The following CNTN5 variants were observed in gnomAD, a reference collection of about 807,000 sequenced individuals.
CNTN5 encodes the protein contactin-5.
A neutral mutation model predicts 129.1 loss-of-function variants in CNTN5; 77 were observed. The observed-to-expected ratio is 0.60, with a 90% CI of 0.50 to 0.72. The LOEUF is 0.72. Ranked by LOEUF, CNTN5 falls within the 30% of genes least tolerant of loss-of-function variation. CNTN5 has a pLI of 0.00. For synonymous variants in CNTN5, 509 were observed against 465.6 expected (o/e 1.09, Z -1.20); for missense variants, 1,478 against 1,328.8 (o/e 1.11, Z -1.75).
intron 9 of CNTN5, among the ~76,000 whole-genome samples, chr11:100,019,017 C>T (rs11222392): frequency 0.16 from 24,122 of 151,632 alleles, 1,974 homozygotes; most frequent in Non-Finnish European, 0.18. Flanking sequence ...TTAAATTTTG[C>T]GTGAGAGTTG....
chr11:100,347,154 G>A (rs1181605353), intron 23 of CNTN5, among the ~76,000 whole-genome samples: 1 of 152,056 alleles, frequency 6.6e-6, no homozygotes, highest in East Asian at 1.9e-4. Flanking sequence ...GTTCTCATTT[G>A]TTTATGCAAC....
intron 2 of CNTN5, among the ~76,000 whole-genome samples, chr11:99,370,957 C>G (rs1939783134): frequency 6.6e-6 from 1 of 152,212 alleles, no homozygotes; most frequent in Non-Finnish European, 1.5e-5. Flanking sequence ...ATTCGTGGCA[C>G]TTGATTTCCA....
intron 1 of CNTN5, among the ~76,000 whole-genome samples, chr11:99,323,371 A>G (rs1865649922): frequency 1.3e-5 from 2 of 152,162 alleles, no homozygotes; most frequent in Admixed American, 1.3e-4. Context: ...TTTTGCTTCT[A>G]AGAAGCAAAC....
In CNTN5 at chr11:99,401,365, C is replaced by T. The variant is rs370797429; in HGVS notation, c.-71+75881C>T. On this transcript the variant is annotated intron_variant, in intron 2 of 24. Transcript: ENST00000524871. ...TTTTCCCTAAGGTATGTTCTTGGTA[C>T]CTTTGTCAGAAATGAATTCACTGTA... Among the ~76,000 whole-genome samples the T allele has an allele frequency of 4.8e-4, 73 of 152,118 alleles. 2 individuals carry two copies. The highest frequency in any genetic ancestry group is 1.7e-3 in the African/African-American group (71 of 41,516).
intron 8 of CNTN5, among the ~76,000 whole-genome samples, chr11:99,991,350 C>A (rs61910614): frequency 6.6e-6 from 1 of 151,680 alleles, no homozygotes. Context: ...CCCTGTAGTT[C>A]CAGCTACTCG....
intron 6 of CNTN5, among the ~76,000 whole-genome samples, chr11:99,889,739 A>G (rs868335127): frequency 1.3e-5 from 2 of 151,962 alleles, no homozygotes; most frequent in Non-Finnish European, 2.9e-5. Flanking sequence ...GGGTTTCACC[A>G]TCTTGGCCAG....
intron 3 of CNTN5, among the ~76,000 whole-genome samples, chr11:99,556,554 A>AAAATAT (rs778137551): frequency 1.4e-5 from 1 of 72,332 alleles, no homozygotes; most frequent in East Asian, 3.2e-4. Context: ...AAGGCTTGGA[A>AAAATAT]ATATATATAT....
At chr11:99,981,159 T>C (rs374792806) in intron 8 of CNTN5, among the ~76,000 whole-genome samples, 1 of 147,266 alleles carries the variant, frequency 6.8e-6, no homozygotes, top group Non-Finnish European at 1.5e-5. Flanking sequence ...ATTCATGTGA[T>C]GATGGAAGCT....
chr11:99,505,445 T>A (rs1946583522), intron 2 of CNTN5, among the ~76,000 whole-genome samples: 1 of 152,190 alleles, frequency 6.6e-6, no homozygotes. Flanking sequence ...GAAACAAGTA[T>A]GATGTGGGAA....
chr11:99,602,049 A>G (rs1477501047), intron 3 of CNTN5, among the ~76,000 whole-genome samples: 1 of 152,150 alleles, frequency 6.6e-6, no homozygotes, highest in African/African-American at 2.4e-5. Context: ...ATATGCATAC[A>G]TATATAATAA....
At chr11:99,495,555 A>T (rs1043277443) in intron 2 of CNTN5, among the ~76,000 whole-genome samples, 3 of 152,060 alleles carry the variant, frequency 2.0e-5, no homozygotes, top group Admixed American at 6.6e-5. Flanking sequence ...CAGAGCATCA[A>T]CTCCAATTTT....
chr11:100,358,236 A>G lies in CNTN5; in HGVS notation c.*2016A>G, dbSNP rs1404787866. The G allele has an allele frequency of 6.6e-6, 1 of 151,916 alleles. No individual in the cohort carries two copies. Among genetic ancestry groups the G allele is most frequent in the Non-Finnish European group, 1.5e-5 (1 of 67,850 alleles). The allele number at this position is 151,916 out of a possible 1,614,324, so 9.4% of individuals were successfully genotyped here. On this transcript the variant is annotated 3_prime_UTR_variant, in exon 25 of 25. Transcript: ENST00000524871. ...ACCAGATTTAGTGAAGGACTTTAAG[A>G]ATCAACTTCTTACTTACACTCTCAG...
At chr11:100,038,620 A>T (rs1432971352) in intron 9 of CNTN5, among the ~76,000 whole-genome samples, 2 of 152,086 alleles carry the variant, frequency 1.3e-5, no homozygotes, top group Non-Finnish European at 2.9e-5. Context: ...TTTGTAGGTC[A>T]CTAAGGACTT....
intron 1 of CNTN5, among the ~76,000 whole-genome samples, chr11:99,085,179 G>T (rs1865955397): frequency 6.6e-6 from 1 of 151,876 alleles, no homozygotes; most frequent in African/African-American, 2.4e-5. Context: ...CCAGTAGCTG[G>T]GAGTACAGGC....
chr11:99,979,912 CTT>C (rs2137350942), intron 8 of CNTN5, among the ~76,000 whole-genome samples: 1 of 152,276 alleles, frequency 6.6e-6, no homozygotes, highest in African/African-American at 2.4e-5. Flanking sequence ...AGCCATGTGA[CTT>C]TAGGTAACTT....
chr11:99,031,960 C>T (rs1225409105), intron 1 of CNTN5, among the ~76,000 whole-genome samples: 71 of 136,446 alleles, frequency 5.2e-4, no homozygotes, highest in African/African-American at 1.8e-3. Flanking sequence ...TGTTCCCTTT[C>T]CTGTGTCCAT....
chr11:100,206,692 G>A (rs1226213050), intron 15 of CNTN5, among the ~76,000 whole-genome samples: 1 of 151,910 alleles, frequency 6.6e-6, no homozygotes, highest in African/African-American at 2.4e-5. Context: ...TATTCTAAAG[G>A]CAGTTCTAAG....
intron 16 of CNTN5, among the ~76,000 whole-genome samples, chr11:100,245,326 G>A (rs917201145): frequency 6.6e-6 from 1 of 152,102 alleles, no homozygotes; most frequent in Admixed American, 6.6e-5. Context: ...ATACAAACTT[G>A]CATCGAACCA....
intron 7 of CNTN5, among the ~76,000 whole-genome samples, chr11:99,920,088 A>G (rs1949898929): frequency 6.6e-6 from 1 of 152,080 alleles, no homozygotes; most frequent in South Asian, 2.1e-4. Context: ...TTGTTGCTTT[A>G]TATTGCTGAG....
Sources: allele counts gnomAD v4.1 joint callset (sites outside exome capture counted in the v4.1 genomes callset), GRCh38; gene constraint gnomAD v4.1.1; transcripts MANE v1.5; gene names NCBI Gene and HGNC (gene_info 2026-07-23, HGNC 2026-07-21).